RANBP9: variants seen among roughly 807,000 people sequenced by gnomAD.
The protein encoded by RANBP9 is RAN binding protein 9.
RANBP9 carries 15 observed loss-of-function variants against 84.3 expected under a neutral mutation model. That is an observed-to-expected ratio of 0.18 (90% CI 0.12 to 0.27). The LOEUF is 0.27. Ranked by LOEUF, RANBP9 falls within the 10% of genes least tolerant of loss-of-function variation. RANBP9 has a pLI of 1.00. For missense variants in RANBP9, 809 were observed against 912.8 expected, an observed-to-expected ratio of 0.89 and a Z score of 1.46; for synonymous variants, 392 against 349.6, an observed-to-expected ratio of 1.12 and a Z score of -1.35.
intron 2 of RANBP9, among the ~76,000 whole-genome samples, chr6:13,667,769 A>G (rs983360212): frequency 6.6e-6 from 1 of 152,206 alleles, no homozygotes; most frequent in Non-Finnish European, 1.5e-5. Flanking sequence ...GGTATGGTCT[A>G]TACCATTTAG....
chr6:13,695,487 T>C (rs1766425120), intron 2 of RANBP9, among the ~76,000 whole-genome samples: 1 of 151,498 alleles, frequency 6.6e-6, no homozygotes, highest in Non-Finnish European at 1.5e-5. Flanking sequence ...TGCAAACATT[T>C]GGTTAGACAC....
chr6:13,680,909 TG>T (rs2113328303), intron 2 of RANBP9, among the ~76,000 whole-genome samples: 1 of 152,330 alleles, frequency 6.6e-6, no homozygotes, highest in African/African-American at 2.4e-5. Context: ...TTGTAGAATG[TG>T]AGCTTCAGAT....
intron 13 of RANBP9, among the ~76,000 whole-genome samples, chr6:13,624,153 TC>T (rs1764534839): frequency 6.6e-6 from 1 of 152,182 alleles, no homozygotes; most frequent in African/African-American, 2.4e-5. Context: ...AATCCTAAAT[TC>T]CGGAGAACTA....
chr6:13,705,522 A>G (rs1428516518), intron 1 of RANBP9, among the ~76,000 whole-genome samples: 1 of 151,624 alleles, frequency 6.6e-6, no homozygotes. Context: ...TTTAAACCTA[A>G]TTTCCCAAAA....
intron 2 of RANBP9, among the ~76,000 whole-genome samples, chr6:13,683,095 G>C (rs1438711443): frequency 6.6e-6 from 1 of 152,144 alleles, no homozygotes; most frequent in African/African-American, 2.4e-5. Flanking sequence ...CTCTTAACCA[G>C]TCTGTTTTTC....
At chr6:13,709,461 A>G (rs1456576428) in intron 1 of RANBP9, among the ~76,000 whole-genome samples, 1 of 152,238 alleles carries the variant, frequency 6.6e-6, no homozygotes, top group Non-Finnish European at 1.5e-5. Context: ...ACATCTAACA[A>G]TAGCTTTCTG....
intron 2 of RANBP9, among the ~76,000 whole-genome samples, chr6:13,665,999 A>C (rs1478069584): frequency 2.0e-5 from 3 of 152,180 alleles, no homozygotes; most frequent in Non-Finnish European, 4.4e-5. Flanking sequence ...AGCATGAGGG[A>C]ACATTTCTGA....
intron 1 of RANBP9, among the ~76,000 whole-genome samples, chr6:13,704,698 T>C (rs1758056238): frequency 6.6e-6 from 1 of 151,978 alleles, no homozygotes; most frequent in Admixed American, 6.6e-5. Context: ...ATACTCTAAA[T>C]GCCAACCCAA....
At chr6:13,708,819 T>TCACACACACA (rs70989879) in intron 1 of RANBP9, among the ~76,000 whole-genome samples, 20 of 140,932 alleles carry the variant, frequency 1.4e-4, no homozygotes, top group South Asian at 6.7e-4. Flanking sequence ...AACGGAAAAC[T>TCACACACACA]CACACACACA....
chr6:13,696,918 A>G (rs1757842912), intron 1 of RANBP9, 22 bp from the exon 2 acceptor site: 1 of 1,566,222 alleles, frequency 6.4e-7, no homozygotes, highest in African/African-American at 1.4e-5. Flanking sequence ...CAGGAAGGAA[A>G]AAAGAAGTCA....
rs7762416 is a variant in RANBP9, at chr6:13,688,740, T to C, written c.683+8045A>G. On this transcript the variant is annotated intron_variant, in intron 2 of 13. Coordinates refer to ENST00000011619, the MANE Select transcript of RANBP9 (RefSeq NM_005493.3). ...TCAGGCAACCGCCTCACAACCTAAC[T>C]CCTAGCCCTAGCCCGTAAACTCTGT... is the stretch of plus-strand genomic sequence containing the variant. Among the ~76,000 whole-genome samples the C allele has an allele frequency of 5.6e-3, 850 of 151,642 alleles. 3 individuals carry two copies. The highest frequency in any genetic ancestry group is 0.019 in the African/African-American group (795 of 41,346).
chr6:13,681,868 CTTTTT>C (rs569934423), intron 2 of RANBP9, among the ~76,000 whole-genome samples: 2 of 147,604 alleles, frequency 1.4e-5, no homozygotes, highest in Non-Finnish European at 3.0e-5. Context: ...GCCTTCTTTC[CTTTTT>C]TTTTTGAGAG....
intron 1 of RANBP9, among the ~76,000 whole-genome samples, chr6:13,707,287 G>T (rs958430038): frequency 6.6e-6 from 1 of 152,020 alleles, no homozygotes; most frequent in Non-Finnish European, 1.5e-5. Flanking sequence ...CCAAAGTGCT[G>T]GGATTACAGG....
chr6:13,647,583 T>A (rs1323454897), intron 5 of RANBP9, among the ~76,000 whole-genome samples: 1 of 152,142 alleles, frequency 6.6e-6, no homozygotes, highest in African/African-American at 2.4e-5. Context: ...AAAATGAACA[T>A]ACTGGCTTAT....
At chr6:13,623,348 A>C (rs1429972187) in intron 13 of RANBP9, among the ~76,000 whole-genome samples, 1 of 152,232 alleles carries the variant, frequency 6.6e-6, no homozygotes, top group Non-Finnish European at 1.5e-5. Context: ...CATGGCTAGG[A>C]AGGCTTCATA....
intron 2 of RANBP9, among the ~76,000 whole-genome samples, chr6:13,666,426 T>A (rs990127059): frequency 1.4e-4 from 21 of 151,520 alleles, no homozygotes; most frequent in Non-Finnish European, 1.5e-5. Flanking sequence ...AGTAACACAT[T>A]TTTGAAAAGA....
At chr6:13,701,325 T>C (rs1757964227) in intron 1 of RANBP9, among the ~76,000 whole-genome samples, 1 of 152,252 alleles carries the variant, frequency 6.6e-6, no homozygotes, top group Non-Finnish European at 1.5e-5. Flanking sequence ...TGATGTCAAC[T>C]GAGCACTCTC....
rs1164073062 is a variant in RANBP9, at chr6:13,688,982, C to CAAA, written c.683+7800_683+7802dup. ...TGCAACATACCGAGACCCATCTCCA[C>CAAA]AAAAAAAAAAAAAAAAAAAAAATGC... On this transcript the variant is annotated intron_variant, in intron 2 of 13. Coordinates refer to ENST00000011619, the MANE Select transcript of RANBP9 (RefSeq NM_005493.3). Among the ~76,000 whole-genome samples the CAAA allele has an allele frequency of 2.2e-3, 64 of 29,602 alleles. 1 individual carries two copies. Among genetic ancestry groups the CAAA allele is most frequent in the African/African-American group, 3.2e-3 (30 of 9,506 alleles). The allele number at this position is 29,602 out of a possible 152,430, so 19.4% of individuals were successfully genotyped here. A position where few individuals can be genotyped will look rare whatever the true frequency, so the allele number is the denominator to read the frequency against.
At chr6:13,678,156 A>G (rs1367469226) in intron 2 of RANBP9, among the ~76,000 whole-genome samples, 1 of 152,150 alleles carries the variant, frequency 6.6e-6, no homozygotes, top group African/African-American at 2.4e-5. Context: ...GCTCCTGTGA[A>G]AATATTTCAA....
Sources: allele counts gnomAD v4.1 joint callset (sites outside exome capture counted in the v4.1 genomes callset), GRCh38; gene constraint gnomAD v4.1.1; transcripts MANE v1.5; gene names NCBI Gene and HGNC (gene_info 2026-07-23, HGNC 2026-07-21).